KLHL5: variants seen among roughly 807,000 people sequenced by gnomAD.
KLHL5 encodes kelch like family member 5.
A neutral mutation model predicts 77.7 loss-of-function variants in KLHL5; 48 were observed. The ratio of observed to expected loss-of-function variants is 0.62; its 90% confidence interval spans 0.49 to 0.79. KLHL5 has a LOEUF of 0.79. Ranked by LOEUF, KLHL5 falls within the 30% of genes least tolerant of loss-of-function variation. The probability of loss-of-function intolerance (pLI) is 0.00; values close to 1 mark genes in which losing one functional copy is unlikely to be tolerated. For synonymous variants in KLHL5, 260 were observed against 297.0 expected (o/e 0.88, Z 1.28); for missense variants, 723 against 859.7 (o/e 0.84, Z 1.99).
the KLHL5 span, among the ~76,000 whole-genome samples, chr4:39,137,341 C>T: frequency 9.1e-6 from 1 of 109,498 alleles, no homozygotes; most frequent in Non-Finnish European, 2.1e-5. Flanking sequence ...TTCTAAATAC[C>T]AATTTTTACA....
In KLHL5 at chr4:39,062,323, C is replaced by T. The variant is rs879814863; in HGVS notation, c.-330C>T. 2 of 1,397,266 alleles carry T rather than the reference C, an allele frequency of 1.4e-6. No individual in the cohort carries two copies. The highest frequency in any genetic ancestry group is 1.5e-5 in the African/African-American group (1 of 68,778). The allele number at this position is 1,397,266 out of a possible 1,614,324, so 86.6% of individuals were successfully genotyped here. ...GCATTTGAAAGGACTTTAATGAATG[C>T]TGTCAGTGTTTGTGAGACCTAATGG... On this transcript the variant is annotated 5_prime_UTR_variant, in exon 1 of 11. Transcript: ENST00000504108.
chr4:39,095,962 G>C (rs1258199226), intron 5 of KLHL5, among the ~76,000 whole-genome samples: 2 of 152,008 alleles, frequency 1.3e-5, no homozygotes, highest in Non-Finnish European at 2.9e-5. Flanking sequence ...TGCACACCAG[G>C]TTGTTTATAA....
At chr4:39,072,657 C>G (rs991145830) in intron 1 of KLHL5, among the ~76,000 whole-genome samples, 1 of 152,166 alleles carries the variant, frequency 6.6e-6, no homozygotes, top group African/African-American at 2.4e-5. Context: ...TTGGACAGCA[C>G]AGCTCTAGAA....
At position 39,122,681 on chromosome 4, in the gene KLHL5, C is replaced by T. The variant is rs538246356; in HGVS notation, c.*1615C>T. ...AAAAAAAATTAGCCAGGCGTGGTGG[C>T]GGGTGCCTGTACGCCCAGCTACTCG... On this transcript the variant is annotated 3_prime_UTR_variant, in exon 11 of 11. Transcript: ENST00000504108. 1.6e-4 allele frequency among the ~76,000 whole-genome samples: 25 copies of T among 152,026 alleles called. No homozygotes were observed. The highest frequency in any genetic ancestry group is 5.5e-4 in the African/African-American group (23 of 41,456).
At chr4:39,055,849 A>G (rs1317125837) in intron 1 of KLHL5, among the ~76,000 whole-genome samples, 5 of 152,228 alleles carry the variant, frequency 3.3e-5, no homozygotes, top group Admixed American at 2.6e-4. Context: ...GATATGGTAA[A>G]GGGACATAGT....
At chr4:39,090,273 CTAAA>C (rs1720405897) in intron 5 of KLHL5, among the ~76,000 whole-genome samples, 2 of 152,102 alleles carry the variant, frequency 1.3e-5, no homozygotes, top group Admixed American at 6.6e-5. Flanking sequence ...ATGATACCAA[CTAAA>C]TGAGATTTTA....
chr4:39,133,653 G>T, the KLHL5 span, among the ~76,000 whole-genome samples: 1 of 150,804 alleles, frequency 6.6e-6, no homozygotes, highest in African/African-American at 2.4e-5. Flanking sequence ...ATATTTAAAT[G>T]AGCACCTTTC....
At chr4:39,109,361 T>G (rs1178920249) in intron 8 of KLHL5, among the ~76,000 whole-genome samples, 2 of 152,178 alleles carry the variant, frequency 1.3e-5, no homozygotes. Flanking sequence ...AGTGGCATGA[T>G]CTCGGCACAC....
At chr4:39,049,587 G>A (rs1344967217) in intron 1 of KLHL5, among the ~76,000 whole-genome samples, 1 of 151,940 alleles carries the variant, frequency 6.6e-6, no homozygotes, top group African/African-American at 2.4e-5. Flanking sequence ...CCTTGGGGGC[G>A]GGGGTAGGGA....
intron 10 of KLHL5, 98 bp downstream of exon 10, chr4:39,115,428 A>C: frequency 6.4e-7 from 1 of 1,561,304 alleles, no homozygotes; most frequent in Non-Finnish European, 8.7e-7. Flanking sequence ...ATACTGAAAT[A>C]TATGGCATAA....
upstream of KLHL5, among the ~76,000 whole-genome samples, chr4:39,060,231 G>A (rs973137443): frequency 4.6e-5 from 7 of 152,108 alleles, no homozygotes; most frequent in South Asian, 6.2e-4. Context: ...TTATATATGT[G>A]TATATAAGTT....
At chr4:39,108,271 A>T (rs1358934585) in intron 8 of KLHL5, among the ~76,000 whole-genome samples, 1 of 152,066 alleles carries the variant, frequency 6.6e-6, no homozygotes, top group Non-Finnish European at 1.5e-5. Flanking sequence ...AGCCATCACT[A>T]ATAGCTCTCA....
chr4:39,102,333 C>T (rs1721646012), intron 6 of KLHL5, among the ~76,000 whole-genome samples: 1 of 147,554 alleles, frequency 6.8e-6, no homozygotes, highest in Non-Finnish European at 1.5e-5. Flanking sequence ...TAAACATCTG[C>T]TCATCTTAAC....
At chr4:39,056,132 G>T (rs527237861) in intron 1 of KLHL5, among the ~76,000 whole-genome samples, 26 of 152,206 alleles carry the variant, frequency 1.7e-4, no homozygotes, top group Admixed American at 2.6e-4. Context: ...TTGTGTGTGT[G>T]TATGTGTATT....
upstream of KLHL5, among the ~76,000 whole-genome samples, chr4:39,059,751 T>C (rs1285077757): frequency 6.6e-6 from 1 of 151,866 alleles, no homozygotes; most frequent in Non-Finnish European, 1.5e-5. Flanking sequence ...CATAAAAAAT[T>C]AGCTGGACAT....
At chr4:39,109,225 G>C (rs1168791772) in intron 8 of KLHL5, among the ~76,000 whole-genome samples, 7 of 151,886 alleles carry the variant, frequency 4.6e-5, no homozygotes, top group African/African-American at 1.7e-4. Flanking sequence ...ATTTCTCTGT[G>C]CCTCAATTTT....
chr4:39,084,221 C>T (rs376574713), intron 4 of KLHL5, among the ~76,000 whole-genome samples: 27 of 152,168 alleles, frequency 1.8e-4, no homozygotes, highest in Admixed American at 1.7e-3. Flanking sequence ...GTGAATGGTG[C>T]GTGGACTGGG....
the KLHL5 span, among the ~76,000 whole-genome samples, chr4:39,139,606 G>A: frequency 6.6e-6 from 1 of 152,118 alleles, no homozygotes; most frequent in Admixed American, 6.5e-5. Context: ...GGCGGGGGAG[G>A]TTGATAACGG....
chr4:39,069,148 C>A (rs1273549981), intron 1 of KLHL5, among the ~76,000 whole-genome samples: 1 of 151,874 alleles, frequency 6.6e-6, no homozygotes, highest in Admixed American at 6.6e-5. Flanking sequence ...TAGGAAGGAC[C>A]GAAGAGAGGA....
Sources: allele counts gnomAD v4.1 joint callset (sites outside exome capture counted in the v4.1 genomes callset), GRCh38; gene constraint gnomAD v4.1.1; transcripts MANE v1.5; gene names NCBI Gene and HGNC (gene_info 2026-07-23, HGNC 2026-07-21).